RIC3: variants seen among roughly 807,000 people sequenced by gnomAD.
The protein encoded by RIC3 is RIC3 acetylcholine receptor chaperone, also known as protein RIC-3.
RIC3 carries 28 observed loss-of-function variants against 27.3 expected under a neutral mutation model. The observed-to-expected ratio is 1.02, with a 90% confidence interval of 0.76 to 1.41. RIC3 has a LOEUF of 1.41. Among genes scored for constraint, RIC3 ranks in the 40% most tolerant of loss-of-function variants. The pLI, the probability that RIC3 is intolerant of heterozygous loss-of-function variation, is 0.00. For synonymous variants in RIC3, 184 were observed against 160.4 expected, an observed-to-expected ratio of 1.15 and a Z score of -1.11; for missense variants, 501 against 444.7, an observed-to-expected ratio of 1.13 and a Z score of -1.14.
At chr11:8,167,640 TAAAA>T (rs34530108) in intron 1 of RIC3, among the ~76,000 whole-genome samples, 2 of 134,148 alleles carry the variant, frequency 1.5e-5, no homozygotes, top group Admixed American at 7.5e-5. Flanking sequence ...TAATGGAAAG[TAAAA>T]AAAAAAAAAA....
intron 1 of RIC3, among the ~76,000 whole-genome samples, chr11:8,153,070 T>G (rs1950377857): frequency 6.6e-6 from 1 of 152,130 alleles, no homozygotes; most frequent in Non-Finnish European, 1.5e-5. Flanking sequence ...GTATTAGAAT[T>G]AAGGTTATTG....
At chr11:8,104,859 CTATAAGAGAACT>C (rs1387168251), downstream of RIC3, 1 of 151,354 alleles carries the variant, frequency 6.6e-6, no homozygotes, top group African/African-American at 2.4e-5. Flanking sequence ...TAATCAGAAG[CTATAAGAGAACT>C]TTCGGAGCCT....
chr11:8,119,774 G>C (rs1946247701), intron 5 of RIC3, among the ~76,000 whole-genome samples: 1 of 152,116 alleles, frequency 6.6e-6, no homozygotes, highest in African/African-American at 2.4e-5. Flanking sequence ...CAGAATGGGA[G>C]AAAATTTTTG....
rs557358033 is a variant in RIC3, at chr11:8,106,696, G to A, written c.*4002C>T. ...TCGAGATGCTTAGGAATCTTTTTTT[G>A]TTGCCGGGCAGCTGTGGCAGATTTG... is the stretch of plus-strand genomic sequence containing the variant. On this transcript the variant is annotated 3_prime_UTR_variant, in exon 6 of 6. Transcript: ENST00000309737. 3.3e-5 allele frequency: 5 copies of A among 150,556 alleles called. No individual in the cohort carries two copies. The East Asian group carries it at 9.8e-4, about 29-fold the overall frequency. 9.3% of individuals were successfully genotyped at this position (150,556 alleles called of 1,614,324 possible).
chr11:8,140,484 T>A (rs1017402110), intron 1 of RIC3, among the ~76,000 whole-genome samples: 6 of 152,320 alleles, frequency 3.9e-5, no homozygotes, highest in Admixed American at 3.3e-4. Context: ...AACCAAGGAA[T>A]GTGACTAGGA....
chr11:8,153,254 T>C, intron 1 of RIC3: 1 of 327,174 alleles, frequency 3.1e-6, no homozygotes, highest in Non-Finnish European at 5.9e-6. Flanking sequence ...TGCTGAGCAC[T>C]TAACAATGTG....
chr11:8,101,468 G>A (rs772545202), downstream of RIC3: 4 of 1,614,008 alleles, frequency 2.5e-6, no homozygotes, highest in African/African-American at 1.3e-5. Context: ...CTCTGTCTGT[G>A]CCTGTGCTTG....
the RIC3 span, chr11:8,100,695 A>AAG: frequency 6.7e-7 from 1 of 1,484,458 alleles, no homozygotes. Context: ...GTGTATGTGG[A>AAG]GGGGTACCAT....
At chr11:8,147,381 T>C (rs1949800579) in intron 1 of RIC3, among the ~76,000 whole-genome samples, 1 of 152,086 alleles carries the variant, frequency 6.6e-6, no homozygotes, top group Non-Finnish European at 1.5e-5. Context: ...GTCTCAAATT[T>C]TGGGTGTTCA....
At chr11:8,098,740 AT>A in the RIC3 span, 5 of 1,587,324 alleles carry the variant, frequency 3.1e-6, no homozygotes, top group East Asian at 8.9e-5. Context: ...CTCTATACTG[AT>A]TGTGCCTTTA....
intron 5 of RIC3, among the ~76,000 whole-genome samples, chr11:8,119,860 C>T (rs1022730479): frequency 7.9e-5 from 12 of 152,270 alleles, no homozygotes; most frequent in East Asian, 1.9e-4. Context: ...GAACAAACAA[C>T]CCCATCGAAA....
the RIC3 span, chr11:8,097,636 A>T: frequency 1.4e-5 from 19 of 1,363,066 alleles, no homozygotes; most frequent in South Asian, 8.9e-5. Context: ...CAACGGAGAG[A>T]GTCTGTGTGA....
the RIC3 span, chr11:8,097,611 G>A: frequency 2.4e-4 from 310 of 1,302,834 alleles, 1 homozygote; most frequent in East Asian, 4.1e-3. Context: ...ACATATGTGC[G>A]TTTGGGAGCT....
At chr11:8,149,101 G>T (rs1469704773) in intron 1 of RIC3, among the ~76,000 whole-genome samples, 2 of 151,626 alleles carry the variant, frequency 1.3e-5, no homozygotes, top group Non-Finnish European at 2.9e-5. Context: ...GCTGAGGCAG[G>T]AGAATGACAT....
At chr11:8,111,275 A>C (rs1015023423) in intron 5 of RIC3, 138 bp from the exon 6 acceptor site, 1 of 662,146 alleles carries the variant, frequency 1.5e-6, no homozygotes. Context: ...CTAAGATTCC[A>C]ATAGTTCTAA....
At chr11:8,136,119 C>T (rs1485458794) in intron 4 of RIC3, among the ~76,000 whole-genome samples, 2 of 152,158 alleles carry the variant, frequency 1.3e-5, no homozygotes, top group Non-Finnish European at 2.9e-5. Context: ...CAAGGTTCAT[C>T]CTCACAAATG....
downstream of RIC3, chr11:8,101,781 G>C: frequency 7.6e-7 from 1 of 1,310,468 alleles, no homozygotes; most frequent in Non-Finnish European, 1.0e-6. Context: ...TGGCTCCTTT[G>C]CCTCTGCTAC....
chr11:8,105,502 A>C (rs1294163993), downstream of RIC3: 1 of 152,168 alleles, frequency 6.6e-6, no homozygotes, highest in Non-Finnish European at 1.5e-5. Flanking sequence ...TTGGTTTTTA[A>C]ATTTTCCAAC....
intron 4 of RIC3, among the ~76,000 whole-genome samples, chr11:8,134,804 G>A (rs550437567): frequency 6.6e-5 from 10 of 152,150 alleles, no homozygotes; most frequent in African/African-American, 1.2e-4. Flanking sequence ...CTTTTGAGAA[G>A]TGTCTGTTTA....
Sources: allele counts gnomAD v4.1 joint callset (sites outside exome capture counted in the v4.1 genomes callset), GRCh38; gene constraint gnomAD v4.1.1; transcripts MANE v1.5; gene names NCBI Gene and HGNC (gene_info 2026-07-23, HGNC 2026-07-21).